The following DLG2 variants were observed in gnomAD, a reference collection of about 807,000 sequenced individuals.
DLG2 encodes the protein disks large homolog 2.
A neutral mutation model predicts 132.5 loss-of-function variants in DLG2; 45 were observed. The observed-to-expected ratio is 0.34, with a 90% CI of 0.27 to 0.44. The LOEUF is 0.44. Among genes scored for constraint, DLG2 ranks in the 20% least tolerant of loss-of-function variants. DLG2 has a pLI of 1.00. For missense variants in DLG2, 1,045 were observed against 1,196.9 expected, an observed-to-expected ratio of 0.87 and a Z score of 1.87; for synonymous variants, 424 against 419.6, an observed-to-expected ratio of 1.01 and a Z score of -0.13.
At chr11:84,321,591 G>T (rs1479742393) in intron 7 of DLG2, among the ~76,000 whole-genome samples, 1 of 152,062 alleles carries the variant, frequency 6.6e-6, no homozygotes, top group Non-Finnish European at 1.5e-5. Flanking sequence ...TTGTGGCCAT[G>T]GAGGATGTTC....
At chr11:84,030,197 C>T (rs1038112679) in intron 11 of DLG2, among the ~76,000 whole-genome samples, 1 of 152,034 alleles carries the variant, frequency 6.6e-6, no homozygotes, top group Admixed American at 6.6e-5. Flanking sequence ...CAATTTTCCT[C>T]AATTATCAAA....
chr11:85,405,086 T>TCAGG (rs1354786991), intron 3 of DLG2, among the ~76,000 whole-genome samples: 1 of 151,926 alleles, frequency 6.6e-6, no homozygotes, highest in East Asian at 1.9e-4. Flanking sequence ...TTCTATTTGG[T>TCAGG]CAGGCACTGA....
intron 3 of DLG2, among the ~76,000 whole-genome samples, chr11:85,582,327 A>G (rs1348189837): frequency 6.6e-6 from 1 of 152,124 alleles, no homozygotes; most frequent in East Asian, 1.9e-4. Flanking sequence ...GTGGTCAGAG[A>G]GTGGGACGTT....
At chr11:83,524,193 G>T (rs185957669) in intron 21 of DLG2, among the ~76,000 whole-genome samples, 1 of 152,308 alleles carries the variant, frequency 6.6e-6, no homozygotes, top group African/African-American at 2.4e-5. Flanking sequence ...GCTTAGATAA[G>T]TTATGATAAT....
intron 6 of DLG2, among the ~76,000 whole-genome samples, chr11:84,610,781 C>G (rs1462345481): frequency 1.3e-5 from 2 of 152,068 alleles, no homozygotes; most frequent in African/African-American, 4.8e-5. Flanking sequence ...GGGTGTAGCA[C>G]AGGCCATTCA....
chr11:85,138,358 A>C (rs776991397), intron 5 of DLG2, among the ~76,000 whole-genome samples: 1 of 152,310 alleles, frequency 6.6e-6, no homozygotes, highest in African/African-American at 2.4e-5. Context: ...ATTTCTTATG[A>C]GGCTCAATTT....
intron 9 of DLG2, among the ~76,000 whole-genome samples, chr11:84,132,207 T>C (rs2094446845): frequency 6.6e-6 from 1 of 151,932 alleles, no homozygotes; most frequent in Middle Eastern, 3.2e-3. Context: ...ATCAAAGAAT[T>C]TAGTATATGC....
intron 21 of DLG2, among the ~76,000 whole-genome samples, chr11:83,498,243 A>G (rs138942480): frequency 3.3e-5 from 5 of 152,302 alleles, no homozygotes; most frequent in East Asian, 3.9e-4. Context: ...TAACATATTA[A>G]TAGCTCTCAC....
chr11:84,126,742 T>G (rs2094192041), intron 9 of DLG2, among the ~76,000 whole-genome samples: 1 of 152,168 alleles, frequency 6.6e-6, no homozygotes, highest in African/African-American at 2.4e-5. Flanking sequence ...TTAGACTATG[T>G]TTTTTCCTTT....
At chr11:84,254,136 A>C (rs1186048742) in intron 7 of DLG2, among the ~76,000 whole-genome samples, 4 of 152,174 alleles carry the variant, frequency 2.6e-5, no homozygotes, top group Admixed American at 2.6e-4. Context: ...AAACTCTCTG[A>C]ATATCACATG....
chr11:84,835,759 G>A (rs535003239), intron 6 of DLG2, among the ~76,000 whole-genome samples: 22 of 151,594 alleles, frequency 1.5e-4, no homozygotes, highest in African/African-American at 5.3e-4. Context: ...TTATTTCAAA[G>A]GCTATTATAT....
At chr11:85,388,737 A>G (rs2086556006) in intron 3 of DLG2, among the ~76,000 whole-genome samples, 1 of 152,158 alleles carries the variant, frequency 6.6e-6, no homozygotes, top group South Asian at 2.1e-4. Context: ...GGCTAGATCC[A>G]GAGGAGAAAT....
At chr11:85,605,641 A>G (rs143952351) in intron 2 of DLG2, among the ~76,000 whole-genome samples, 3 of 152,318 alleles carry the variant, frequency 2.0e-5, no homozygotes, top group Non-Finnish European at 4.4e-5. Context: ...AAAGATAATT[A>G]ACTAGGAAAT....
intron 7 of DLG2, among the ~76,000 whole-genome samples, chr11:84,431,332 G>C (rs1289055917): frequency 6.6e-6 from 1 of 152,074 alleles, no homozygotes; most frequent in East Asian, 1.9e-4. Flanking sequence ...CTGGTGATAT[G>C]TTTTCTCTCT....
chr11:85,543,509 G>C (rs1264831603), intron 3 of DLG2, among the ~76,000 whole-genome samples: 1 of 152,056 alleles, frequency 6.6e-6, no homozygotes, highest in African/African-American at 2.4e-5. Flanking sequence ...CCCAATAATG[G>C]GATTGTCGGG....
intron 7 of DLG2, among the ~76,000 whole-genome samples, chr11:84,367,074 C>T (rs999266043): frequency 4.6e-5 from 7 of 152,106 alleles, no homozygotes; most frequent in African/African-American, 1.7e-4. Context: ...GTAAAGCTCT[C>T]CTCAGCAAAT....
intron 11 of DLG2, 34 bp from the exon 12 acceptor site, chr11:83,980,676 T>C (rs1444232098): frequency 6.7e-7 from 1 of 1,495,198 alleles, no homozygotes; most frequent in African/African-American, 1.4e-5. Flanking sequence ...GAAAGCCTTG[T>C]TTTGTTGTTG....
chr11:85,613,765 C>G (rs1470139886), intron 2 of DLG2, among the ~76,000 whole-genome samples: 1 of 152,216 alleles, frequency 6.6e-6, no homozygotes, highest in Non-Finnish European at 1.5e-5. Context: ...GAGCCAGCAG[C>G]AGCAACCCGC....
At chr11:83,516,644 A>G (rs919623568) in intron 21 of DLG2, among the ~76,000 whole-genome samples, 1 of 152,074 alleles carries the variant, frequency 6.6e-6, no homozygotes, top group Non-Finnish European at 1.5e-5. Context: ...ATTTGGCATG[A>G]TTTTGCAGTG....
Sources: allele counts gnomAD v4.1 joint callset (sites outside exome capture counted in the v4.1 genomes callset), GRCh38; gene constraint gnomAD v4.1.1; transcripts MANE v1.5; gene names NCBI Gene and HGNC (gene_info 2026-07-23, HGNC 2026-07-21).